HAPSTR1: variants seen among roughly 807,000 people sequenced by gnomAD.
HAPSTR1 encodes HUWE1-associated protein modifying stress responses 1.
the HAPSTR1 span, chr16:9,092,281 C>G: frequency 7.9e-6 from 12 of 1,523,022 alleles, no homozygotes; most frequent in South Asian, 1.5e-4. Flanking sequence ...GTGAGGCCGC[C>G]GCCGCCATCT....
chr16:9,108,583 G>A, the HAPSTR1 span: 21 of 152,156 alleles, frequency 1.4e-4, no homozygotes, highest in Admixed American at 1.3e-3. Context: ...CTTAGGTGTC[G>A]AGGTGGGAAA....
chr16:9,114,240 A>G, the HAPSTR1 span, among the ~76,000 whole-genome samples: 2 of 152,120 alleles, frequency 1.3e-5, no homozygotes, highest in Non-Finnish European at 2.9e-5. Context: ...CGTTGAGCTC[A>G]TTAGTCTAGT....
the HAPSTR1 span, chr16:9,120,570 T>TA: frequency 6.6e-6 from 1 of 152,136 alleles, no homozygotes; most frequent in Non-Finnish European, 1.5e-5. Flanking sequence ...ATTTTTTTTT[T>TA]ATTTAGTGCT....
At chr16:9,116,655 T>C in the HAPSTR1 span, 24 of 1,606,560 alleles carry the variant, frequency 1.5e-5, no homozygotes, top group Non-Finnish European at 2.0e-5. Context: ...AAAACCTTTT[T>C]TCTTCTTCCT....
chr16:9,108,296 A>G, the HAPSTR1 span: 1 of 152,188 alleles, frequency 6.6e-6, no homozygotes, highest in Admixed American at 6.5e-5. Context: ...CCTGTCTCCA[A>G]AATGCAAATT....
At chr16:9,114,762 G>A in the HAPSTR1 span, among the ~76,000 whole-genome samples, 2 of 152,188 alleles carry the variant, frequency 1.3e-5, no homozygotes, top group Non-Finnish European at 2.9e-5. Context: ...TTACACTTGG[G>A]TGGGAGTGCC....
chr16:9,106,003 G>A, the HAPSTR1 span: 2 of 152,304 alleles, frequency 1.3e-5, no homozygotes, highest in South Asian at 4.1e-4. Flanking sequence ...GACACCTGCT[G>A]AATATTTCGT....
chr16:9,119,087 A>C, the HAPSTR1 span: 1 of 152,624 alleles, frequency 6.6e-6, no homozygotes, highest in Non-Finnish European at 1.5e-5. Context: ...AGCATTTGTT[A>C]CTTTTTTCCA....
At chr16:9,113,640 G>A in the HAPSTR1 span, among the ~76,000 whole-genome samples, 22 of 152,302 alleles carry the variant, frequency 1.4e-4, no homozygotes, top group Admixed American at 1.2e-3. Flanking sequence ...AAGTAGCCCA[G>A]TTTATTGCTG....
At chr16:9,092,907 G>GCTTGCTTTTCAGACCGA in the HAPSTR1 span, 1 of 847,824 alleles carries the variant, frequency 1.2e-6, no homozygotes, top group Non-Finnish European at 1.6e-6. Context: ...TTTTTTTTTT[G>GCTTGCTTTTCAGACCGA]GCTTGCTTTT....
the HAPSTR1 span, chr16:9,111,861 A>G: frequency 1.3e-5 from 2 of 152,302 alleles, no homozygotes; most frequent in South Asian, 4.1e-4. Context: ...TTTTCAATGT[A>G]TAAATATTAA....
the HAPSTR1 span, chr16:9,107,499 G>A: frequency 6.6e-6 from 1 of 152,268 alleles, no homozygotes; most frequent in Non-Finnish European, 1.5e-5. Flanking sequence ...CCAGTCCTGA[G>A]CTGTTGTTGC....
chr16:9,118,089 C>T, the HAPSTR1 span: 1 of 152,528 alleles, frequency 6.6e-6, no homozygotes, highest in Non-Finnish European at 1.5e-5. Context: ...AAATATAAGA[C>T]CTCTTGTAGC....
At chr16:9,107,088 C>G in the HAPSTR1 span, 4 of 152,270 alleles carry the variant, frequency 2.6e-5, no homozygotes, top group African/African-American at 9.7e-5. Context: ...CTCGTTTAGA[C>G]CTTCTCTCCT....
chr16:9,117,313 G>A, the HAPSTR1 span: 1 of 186,656 alleles, frequency 5.4e-6, no homozygotes. Context: ...TGCTTCAACA[G>A]TATTGCCAGG....
the HAPSTR1 span, chr16:9,104,371 G>C: frequency 6.6e-6 from 1 of 152,278 alleles, no homozygotes; most frequent in East Asian, 1.9e-4. Context: ...CCAAAGTGTT[G>C]GGATTACAGG....
chr16:9,097,231 C>T, the HAPSTR1 span, among the ~76,000 whole-genome samples: 1 of 142,150 alleles, frequency 7.0e-6, no homozygotes, highest in Non-Finnish European at 1.5e-5. Flanking sequence ...TGAGCCACCG[C>T]GCCTGGCTCT....
chr16:9,096,693 G>A, the HAPSTR1 span, among the ~76,000 whole-genome samples: 1 of 152,136 alleles, frequency 6.6e-6, no homozygotes, highest in African/African-American at 2.4e-5. Context: ...TTGAGACTTT[G>A]TTCAAAATAC....
At chr16:9,101,862 C>T in the HAPSTR1 span, among the ~76,000 whole-genome samples, 3 of 152,164 alleles carry the variant, frequency 2.0e-5, no homozygotes, top group African/African-American at 7.2e-5. Context: ...TGGCTCACGC[C>T]TGTAATCCCC....
Sources: gnomAD v4.1 joint callset for allele counts (sites outside exome capture counted in the v4.1 genomes callset) on GRCh38, gnomAD v4.1.1 for gene constraint, MANE v1.5 for transcripts, NCBI Gene and HGNC (gene_info 2026-07-23, HGNC 2026-07-21) for gene names.